Variants in OTUD7B observed in about 807,000 individuals in gnomAD.
OTUD7B encodes the protein OTU domain-containing protein 7B.
A neutral mutation model predicts 82.2 loss-of-function variants in OTUD7B; 34 were observed. The observed-to-expected ratio is 0.41, with a 90% CI of 0.31 to 0.55. The LOEUF (loss-of-function observed/expected upper bound fraction) is 0.55, where lower values mean the gene tolerates loss of function less well. OTUD7B is among the 20% of genes least tolerant of loss of function. The pLI, the probability that OTUD7B is intolerant of heterozygous loss-of-function variation, is 0.20. For missense variants in OTUD7B, 944 were observed against 1,062.1 expected, an observed-to-expected ratio of 0.89 and a Z score of 1.55; for synonymous variants, 398 against 402.7, an observed-to-expected ratio of 0.99 and a Z score of 0.14.
intron 1 of OTUD7B, among the ~76,000 whole-genome samples, chr1:149,999,785 C>A (rs1652156795): frequency 6.6e-6 from 1 of 152,048 alleles, no homozygotes; most frequent in Non-Finnish European, 1.5e-5. Flanking sequence ...CATGCGACTA[C>A]CTTCATGTAA....
intron 2 of OTUD7B, among the ~76,000 whole-genome samples, chr1:149,972,684 G>C (rs587632295): frequency 1.2e-3 from 181 of 152,204 alleles, no homozygotes; most frequent in African/African-American, 4.2e-3. Context: ...TGTTTGTTTT[G>C]TTTTGTTGGA....
upstream of OTUD7B, among the ~76,000 whole-genome samples, chr1:150,014,044 G>GTATATATACGTATATA (rs1553787990): frequency 9.4e-6 from 1 of 106,606 alleles, no homozygotes; most frequent in African/African-American, 4.0e-5. Context: ...ACGTATATAT[G>GTATATATACGTATATA]TGTGTGTATA....
At chr1:150,044,265 T>C in the OTUD7B span, among the ~76,000 whole-genome samples, 1 of 151,470 alleles carries the variant, frequency 6.6e-6, no homozygotes, top group African/African-American at 2.4e-5. Context: ...TGGAGTGCAG[T>C]GGCATGATCT....
intron 1 of OTUD7B, among the ~76,000 whole-genome samples, chr1:149,985,566 C>T (rs1369549702): frequency 6.6e-6 from 1 of 151,972 alleles, no homozygotes; most frequent in African/African-American, 2.4e-5. Flanking sequence ...AGCAAGAACC[C>T]ATCTCTACAA....
At chr1:149,948,917 A>G (rs1421233144) in intron 10 of OTUD7B, 52 bp downstream of exon 10, 2 of 1,179,992 alleles carry the variant, frequency 1.7e-6, no homozygotes, top group African/African-American at 1.5e-5. Context: ...TGGATGCCAC[A>G]TGTGGAAGAA....
At chr1:150,050,916 TA>T in the OTUD7B span, among the ~76,000 whole-genome samples, 9 of 144,856 alleles carry the variant, frequency 6.2e-5, no homozygotes, top group Non-Finnish European at 4.5e-5. Flanking sequence ...AGATAGTCCT[TA>T]AAAAAAAAAA....
the OTUD7B span, among the ~76,000 whole-genome samples, chr1:150,052,223 G>A: frequency 6.6e-6 from 1 of 152,200 alleles, no homozygotes; most frequent in Admixed American, 6.5e-5. Flanking sequence ...AAGAGAGGAA[G>A]TCAAACTATT....
At chr1:150,007,921 G>A (rs933303628) in intron 1 of OTUD7B, among the ~76,000 whole-genome samples, 1 of 152,156 alleles carries the variant, frequency 6.6e-6, no homozygotes, top group Admixed American at 6.5e-5. Context: ...TCCCTTTGGT[G>A]GGATGAGTGT....
chr1:150,009,731 A>G (rs75039904), intron 1 of OTUD7B, among the ~76,000 whole-genome samples: 1 of 152,256 alleles, frequency 6.6e-6, no homozygotes, highest in African/African-American at 2.4e-5. Context: ...CCGACAAGCT[A>G]AAAATACGCC....
At chr1:149,963,608 A>G (rs1649311663) in intron 6 of OTUD7B, 1 of 146,688 alleles carries the variant, frequency 6.8e-6, no homozygotes, top group Admixed American at 6.9e-5. Flanking sequence ...CCCGTTTTGG[A>G]GAGGGCAAGT....
the OTUD7B span, among the ~76,000 whole-genome samples, chr1:150,045,537 T>C: frequency 4.6e-5 from 7 of 152,162 alleles, no homozygotes; most frequent in Non-Finnish European, 1.0e-4. Context: ...AGGGAAATTA[T>C]TGGAAAATTG....
the OTUD7B span, among the ~76,000 whole-genome samples, chr1:150,064,274 TAGAGA>T: frequency 2.6e-5 from 4 of 152,362 alleles, no homozygotes; most frequent in African/African-American, 9.6e-5. Flanking sequence ...AAGAAATGGT[TAGAGA>T]AATTAAGAAC....
intron 1 of OTUD7B, among the ~76,000 whole-genome samples, chr1:149,980,749 A>G (rs1033651866): frequency 1.1e-4 from 17 of 152,214 alleles, no homozygotes; most frequent in African/African-American, 4.1e-4. Flanking sequence ...ACAGTGGCTC[A>G]TGCCTGTAAT....
chr1:149,958,068 G>A (rs868939452), intron 7 of OTUD7B, among the ~76,000 whole-genome samples: 9 of 152,120 alleles, frequency 5.9e-5, no homozygotes, highest in South Asian at 2.1e-4. Flanking sequence ...AGATGAACCC[G>A]GTACCTCAGT....
the OTUD7B span, among the ~76,000 whole-genome samples, chr1:150,017,092 C>T: frequency 6.6e-6 from 1 of 152,198 alleles, no homozygotes; most frequent in Non-Finnish European, 1.5e-5. Flanking sequence ...AAGTGAACCG[C>T]TTAATCAATT....
the OTUD7B span, among the ~76,000 whole-genome samples, chr1:150,028,448 A>G: frequency 2.6e-5 from 4 of 152,208 alleles, no homozygotes; most frequent in Admixed American, 2.6e-4. Flanking sequence ...ATACAAATGT[A>G]CTACAGTATC....
chr1:150,021,191 G>A, the OTUD7B span, among the ~76,000 whole-genome samples: 1 of 152,022 alleles, frequency 6.6e-6, no homozygotes, highest in South Asian at 2.1e-4. Context: ...CCCCCTTCGG[G>A]TCATATACTT....
At chr1:150,057,187 G>A in the OTUD7B span, among the ~76,000 whole-genome samples, 95 of 151,870 alleles carry the variant, frequency 6.3e-4, no homozygotes, top group Middle Eastern at 3.4e-3. Context: ...CCATATTGAC[G>A]GATATTCTAC....
In OTUD7B at chr1:149,980,206, G is replaced by A. The variant is rs1478146333; in HGVS notation, c.-66-2630C>T. On this transcript the variant is annotated intron_variant, in intron 1 of 11. Transcript: ENST00000581312. ...AACATTTTAACAAAGTAATTTAGAG[G>A]TTCAACATTATCTAGAATGCCTTGC... Among the ~76,000 whole-genome samples, 4 of 150,194 alleles carry A rather than the reference G, an allele frequency of 2.7e-5. No homozygotes were observed. The East Asian group carries it at 5.8e-4, about 22-fold the overall frequency.
Sources: gnomAD v4.1 joint callset for allele counts (sites outside exome capture counted in the v4.1 genomes callset) on GRCh38, gnomAD v4.1.1 for gene constraint, MANE v1.5 for transcripts, NCBI Gene and HGNC (gene_info 2026-07-23, HGNC 2026-07-21) for gene names.